Variants in ARL15 observed in about 807,000 individuals in gnomAD.
The protein encoded by ARL15 is ARF like GTPase 15.
Under a neutral mutation model 25.2 loss-of-function variants are expected in ARL15, and 19 were observed. The ratio of observed to expected loss-of-function variants is 0.75; its 90% CI spans 0.53 to 1.10. ARL15 has a LOEUF of 1.10. Ranked by LOEUF, ARL15 falls within the 50% of genes least tolerant of loss-of-function variation. The probability of loss-of-function intolerance (pLI) is 0.00; values close to 1 mark genes in which losing one functional copy is unlikely to be tolerated. For synonymous variants in ARL15, 94 were observed against 86.8 expected, an observed-to-expected ratio of 1.08 and a Z score of -0.46; for missense variants, 220 against 246.0, an observed-to-expected ratio of 0.89 and a Z score of 0.71.
intron 1 of ARL15, among the ~76,000 whole-genome samples, chr5:54,277,644 C>T (rs1346566994): frequency 1.3e-5 from 2 of 151,756 alleles, no homozygotes; most frequent in South Asian, 2.1e-4. Context: ...CCCAGCTACT[C>T]GGGAGGCTGA....
chr5:54,165,263 T>A (rs1329156328), intron 2 of ARL15, among the ~76,000 whole-genome samples: 5 of 152,064 alleles, frequency 3.3e-5, no homozygotes, highest in African/African-American at 1.2e-4. Flanking sequence ...ATTTAAATAA[T>A]AAGAAGTAAA....
At chr5:54,231,263 A>C (rs1026882905) in intron 1 of ARL15, among the ~76,000 whole-genome samples, 1 of 152,012 alleles carries the variant, frequency 6.6e-6, no homozygotes, top group Non-Finnish European at 1.5e-5. Flanking sequence ...ATTCTCCTTC[A>C]CTGACCCATC....
chr5:53,904,738 C>CTTTTTT (rs35684823), intron 4 of ARL15, among the ~76,000 whole-genome samples: 33 of 126,150 alleles, frequency 2.6e-4, no homozygotes, highest in African/African-American at 9.1e-4. Context: ...TTTTTAGTTC[C>CTTTTTT]TTTTTTTTTT....
chr5:54,308,726 T>C (rs1045618275), intron 1 of ARL15, among the ~76,000 whole-genome samples: 2 of 152,246 alleles, frequency 1.3e-5, no homozygotes, highest in Admixed American at 6.5e-5. Flanking sequence ...ACCAGAGTTA[T>C]CAATTTTGTT....
intron 4 of ARL15, among the ~76,000 whole-genome samples, chr5:53,977,143 G>A (rs547825323): frequency 6.6e-6 from 1 of 152,058 alleles, no homozygotes; most frequent in East Asian, 1.9e-4. Context: ...CGGATCACAA[G>A]GTCAGGAGAT....
At chr5:54,161,072 A>C (rs1311940149) in intron 2 of ARL15, among the ~76,000 whole-genome samples, 3 of 152,136 alleles carry the variant, frequency 2.0e-5, no homozygotes, top group Non-Finnish European at 4.4e-5. Context: ...AATTCAAAAA[A>C]TAAATGTAAA....
chr5:54,057,136 C>T (rs1034780756), intron 4 of ARL15, among the ~76,000 whole-genome samples: 1 of 151,720 alleles, frequency 6.6e-6, no homozygotes, highest in Non-Finnish European at 1.5e-5. Flanking sequence ...AGTCAGCCTG[C>T]AATAGGAACA....
chr5:54,013,322 A>AT (rs1253097184), intron 4 of ARL15, among the ~76,000 whole-genome samples: 1 of 152,244 alleles, frequency 6.6e-6, no homozygotes, highest in Non-Finnish European at 1.5e-5. Flanking sequence ...GAAGTCTAGC[A>AT]TGACTGATTC....
At chr5:54,216,367 T>C (rs1360443511) in intron 1 of ARL15, among the ~76,000 whole-genome samples, 1 of 152,222 alleles carries the variant, frequency 6.6e-6, no homozygotes, top group Non-Finnish European at 1.5e-5. Flanking sequence ...GTTATTCCAC[T>C]GTGTACTTCT....
intron 4 of ARL15, among the ~76,000 whole-genome samples, chr5:54,103,837 G>C (rs369087970): frequency 2.0e-5 from 3 of 152,172 alleles, no homozygotes; most frequent in African/African-American, 7.2e-5. Context: ...GAGGAACAAG[G>C]CCAAAAATAT....
chr5:54,099,866 A>G (rs1039254779), intron 4 of ARL15, among the ~76,000 whole-genome samples: 1 of 152,146 alleles, frequency 6.6e-6, no homozygotes, highest in African/African-American at 2.4e-5. Context: ...TTTTTGCCCA[A>G]TATAATTTAG....
intron 1 of ARL15, among the ~76,000 whole-genome samples, chr5:54,172,874 C>T (rs1754761722): frequency 6.6e-6 from 1 of 152,158 alleles, no homozygotes; most frequent in Non-Finnish European, 1.5e-5. Context: ...TCAGGTCAAT[C>T]AACCAGGGTA....
intron 1 of ARL15, among the ~76,000 whole-genome samples, chr5:54,296,300 T>C (rs554478548): frequency 2.0e-5 from 3 of 152,344 alleles, no homozygotes; most frequent in Non-Finnish European, 4.4e-5. Context: ...TTGTAGTACT[T>C]ACAGAATTAG....
At chr5:53,990,042 T>A (rs1748432905) in intron 4 of ARL15, among the ~76,000 whole-genome samples, 1 of 152,010 alleles carries the variant, frequency 6.6e-6, no homozygotes, top group Non-Finnish European at 1.5e-5. Context: ...AAAACCAGCC[T>A]GGGAAATGCA....
intron 4 of ARL15, among the ~76,000 whole-genome samples, chr5:53,901,931 G>A (rs1212987995): frequency 2.0e-5 from 3 of 152,120 alleles, no homozygotes; most frequent in Non-Finnish European, 2.9e-5. Context: ...CAGAAAACAC[G>A]GTTTTCCCAC....
At chr5:54,148,000 C>T (rs946511730) in intron 3 of ARL15, among the ~76,000 whole-genome samples, 1 of 152,020 alleles carries the variant, frequency 6.6e-6, no homozygotes, top group Non-Finnish European at 1.5e-5. Flanking sequence ...GGGGATGATG[C>T]ATAATATACA....
intron 3 of ARL15, among the ~76,000 whole-genome samples, chr5:54,143,721 T>TA (rs59164988): frequency 0.23 from 34,480 of 151,168 alleles, 4,411 homozygotes; most frequent in African/African-American, 0.34. Flanking sequence ...CTTTATGCTT[T>TA]AAAAAAAAAG....
chr5:54,215,368 T>C (rs1425095967), intron 1 of ARL15, among the ~76,000 whole-genome samples: 1 of 152,156 alleles, frequency 6.6e-6, no homozygotes, highest in African/African-American at 2.4e-5. Flanking sequence ...GGTGGCTGTA[T>C]CTGTCTGCTG....
At chr5:54,196,804 C>T (rs1015920157) in intron 1 of ARL15, among the ~76,000 whole-genome samples, 9 of 152,042 alleles carry the variant, frequency 5.9e-5, no homozygotes, top group Non-Finnish European at 7.4e-5. Context: ...GTATATTAAA[C>T]TGAAATAGAA....
Sources: gnomAD v4.1 joint callset for allele counts (sites outside exome capture counted in the v4.1 genomes callset) on GRCh38, gnomAD v4.1.1 for gene constraint, MANE v1.5 for transcripts, NCBI Gene and HGNC (gene_info 2026-07-23, HGNC 2026-07-21) for gene names.